The following AKAP19 variants were observed in gnomAD, a reference collection of about 807,000 sequenced individuals.
The protein encoded by AKAP19 is small A-kinase anchoring protein.
chr2:190,118,203 T>G, the AKAP19 span, among the ~76,000 whole-genome samples: 3 of 151,992 alleles, frequency 2.0e-5, no homozygotes, highest in Non-Finnish European at 2.9e-5. Flanking sequence ...AATAACAGGC[T>G]CTGAAATTGA....
chr2:189,973,095 T>A, the AKAP19 span, among the ~76,000 whole-genome samples: 69 of 152,310 alleles, frequency 4.5e-4, no homozygotes, highest in African/African-American at 1.6e-3. Flanking sequence ...TTTTTGCCCA[T>A]TCAGTATGAT....
the AKAP19 span, among the ~76,000 whole-genome samples, chr2:190,143,626 G>T: frequency 1.3e-5 from 2 of 152,082 alleles, no homozygotes; most frequent in African/African-American, 2.4e-5. Context: ...AAGAGTTTTT[G>T]AGTTCTCCTA....
At chr2:189,935,014 A>G in the AKAP19 span, among the ~76,000 whole-genome samples, 2 of 152,082 alleles carry the variant, frequency 1.3e-5, no homozygotes, top group Non-Finnish European at 2.9e-5. Flanking sequence ...AAATAAGATG[A>G]GATAAACCTG....
the AKAP19 span, among the ~76,000 whole-genome samples, chr2:190,005,282 C>G: frequency 2.6e-5 from 4 of 152,296 alleles, no homozygotes; most frequent in Non-Finnish European, 5.9e-5. Context: ...CTTATTTGAC[C>G]CTGCCCACAT....
chr2:189,995,818 G>A, the AKAP19 span, among the ~76,000 whole-genome samples: 4 of 152,128 alleles, frequency 2.6e-5, no homozygotes, highest in South Asian at 8.3e-4. Context: ...TGCTGGCTTG[G>A]TAGTGGTGAA....
the AKAP19 span, among the ~76,000 whole-genome samples, chr2:189,914,458 A>G: frequency 1.3e-5 from 2 of 152,050 alleles, no homozygotes; most frequent in Non-Finnish European, 2.9e-5. Flanking sequence ...GAAGGTGATT[A>G]TTGAATATAA....
At chr2:190,038,923 T>TTCTTCTTCTTCTTCTTCC in the AKAP19 span, among the ~76,000 whole-genome samples, 5 of 140,158 alleles carry the variant, frequency 3.6e-5, no homozygotes, top group African/African-American at 5.8e-5. Flanking sequence ...CTTCTTCTTC[T>TTCTTCTTCTTCTTCTTCC]TCTTCTTCTT....
the AKAP19 span, among the ~76,000 whole-genome samples, chr2:190,095,197 G>A: frequency 6.6e-6 from 1 of 152,186 alleles, no homozygotes; most frequent in Non-Finnish European, 1.5e-5. Context: ...ACTCTAGTCT[G>A]GGCGACAGAG....
At chr2:190,103,835 T>C in the AKAP19 span, among the ~76,000 whole-genome samples, 1 of 152,196 alleles carries the variant, frequency 6.6e-6, no homozygotes, top group Non-Finnish European at 1.5e-5. Context: ...AAAAAAATTC[T>C]AAAATTCATA....
the AKAP19 span, among the ~76,000 whole-genome samples, chr2:189,937,566 GA>G: frequency 6.6e-6 from 1 of 151,914 alleles, no homozygotes; most frequent in Non-Finnish European, 1.5e-5. Flanking sequence ...AACTCTATAG[GA>G]AAAAAATCTA....
chr2:190,012,760 C>A, the AKAP19 span, among the ~76,000 whole-genome samples: 1 of 152,118 alleles, frequency 6.6e-6, no homozygotes, highest in Non-Finnish European at 1.5e-5. Context: ...CATATATGGC[C>A]TTTATTGTGT....
At chr2:190,128,494 G>C in the AKAP19 span, among the ~76,000 whole-genome samples, 1 of 152,208 alleles carries the variant, frequency 6.6e-6, no homozygotes, top group Non-Finnish European at 1.5e-5. Context: ...GAAGGAGAGG[G>C]AGTGCAATGG....
chr2:190,102,847 G>T, the AKAP19 span, among the ~76,000 whole-genome samples: 2 of 152,058 alleles, frequency 1.3e-5, no homozygotes, highest in Admixed American at 6.6e-5. Flanking sequence ...ATTGTATGAA[G>T]CCAACATCAC....
the AKAP19 span, among the ~76,000 whole-genome samples, chr2:190,193,249 T>G: frequency 6.6e-6 from 1 of 152,134 alleles, no homozygotes; most frequent in Non-Finnish European, 1.5e-5. Context: ...TATAGTGAAT[T>G]ATATCTATTG....
At chr2:189,963,199 C>T in the AKAP19 span, among the ~76,000 whole-genome samples, 34 of 136,858 alleles carry the variant, frequency 2.5e-4, no homozygotes, top group Non-Finnish European at 2.8e-4. Flanking sequence ...CTTCACTTCT[C>T]TTTTTTTTTT....
At chr2:190,057,421 G>T in the AKAP19 span, 2 of 1,613,516 alleles carry the variant, frequency 1.2e-6, no homozygotes, top group Non-Finnish European at 1.7e-6. Flanking sequence ...ATGAGTATGA[G>T]GATATTTTTG....
At chr2:190,068,327 CA>C in the AKAP19 span, among the ~76,000 whole-genome samples, 1 of 151,958 alleles carries the variant, frequency 6.6e-6, no homozygotes. Context: ...ACGGGGAGAA[CA>C]GTGTTTTTCT....
the AKAP19 span, among the ~76,000 whole-genome samples, chr2:190,171,974 C>T: frequency 6.6e-6 from 1 of 152,164 alleles, no homozygotes; most frequent in Non-Finnish European, 1.5e-5. Context: ...ATTTTTACAT[C>T]ATTTTTACAA....
At chr2:190,035,206 C>T in the AKAP19 span, among the ~76,000 whole-genome samples, 4 of 151,854 alleles carry the variant, frequency 2.6e-5, no homozygotes, top group Admixed American at 6.6e-5. Context: ...TTTGGGAGGC[C>T]GAGGCAGACA....
Sources: gnomAD v4.1 joint callset for allele counts (sites outside exome capture counted in the v4.1 genomes callset) on GRCh38, gnomAD v4.1.1 for gene constraint, MANE v1.5 for transcripts, NCBI Gene and HGNC (gene_info 2026-07-23, HGNC 2026-07-21) for gene names.